PID1: variants seen among roughly 807,000 people sequenced by gnomAD.
PID1 encodes the protein phosphotyrosine interaction domain containing 1.
PID1 carries 10 observed loss-of-function variants against 19.1 expected under a neutral mutation model. The observed-to-expected ratio is 0.52, with a 90% CI of 0.32 to 0.89. The LOEUF (loss-of-function observed/expected upper bound fraction) is 0.89. Ranked by LOEUF, PID1 falls within the 40% of genes least tolerant of loss-of-function variation. The pLI, the probability that PID1 is intolerant of heterozygous loss-of-function variation, is 0.03. For missense variants in PID1, 248 were observed against 285.3 expected, an observed-to-expected ratio of 0.87 and a Z score of 0.94; for synonymous variants, 130 against 116.0, an observed-to-expected ratio of 1.12 and a Z score of -0.78.
intron 2 of PID1, among the ~76,000 whole-genome samples, chr2:229,095,018 G>T (rs7587601): frequency 0.62 from 93,944 of 151,862 alleles, 31,792 homozygotes; most frequent in Non-Finnish European, 0.76. Context: ...TTCTACATAC[G>T]AAGACAATAA....
At chr2:229,196,208 G>A (rs986754814) in intron 1 of PID1, among the ~76,000 whole-genome samples, 1 of 151,984 alleles carries the variant, frequency 6.6e-6, no homozygotes, top group African/African-American at 2.4e-5. Flanking sequence ...TAGTGAGGGA[G>A]AAGGAAAAAG....
intron 1 of PID1, among the ~76,000 whole-genome samples, chr2:229,207,646 CTG>C: frequency 6.6e-6 from 1 of 151,610 alleles, no homozygotes; most frequent in Non-Finnish European, 1.5e-5. Flanking sequence ...ACCAAGTTGT[CTG>C]TGTAATGATC....
chr2:229,095,201 G>A (rs149547150), intron 2 of PID1, among the ~76,000 whole-genome samples: 189 of 152,204 alleles, frequency 1.2e-3, no homozygotes, highest in African/African-American at 4.0e-3. Context: ...CATTTAGAAA[G>A]ATTAAGGTAA....
At chr2:229,132,046 T>A (rs1013153840) in intron 2 of PID1, among the ~76,000 whole-genome samples, 1 of 152,194 alleles carries the variant, frequency 6.6e-6, no homozygotes, top group Admixed American at 6.5e-5. Context: ...TATTCACTTC[T>A]TTGTTTCCAG....
intron 1 of PID1, among the ~76,000 whole-genome samples, chr2:229,193,452 G>A (rs36065709): frequency 0.26 from 39,617 of 152,006 alleles, 5,565 homozygotes; most frequent in Non-Finnish European, 0.31. Flanking sequence ...CCTGTTAGTC[G>A]TGTCACTAAA....
chr2:229,187,237 C>T (rs6761896), intron 1 of PID1, among the ~76,000 whole-genome samples: 135,520 of 152,172 alleles, frequency 0.89, 60,499 homozygotes, highest in African/African-American at 0.94. Context: ...TGCCTGTTAC[C>T]CAGTTCCAAA....
In PID1 at chr2:229,029,412, C is replaced by T. The variant is rs116424602; in HGVS notation, c.178-3304G>A. 4.2e-3 allele frequency among the ~76,000 whole-genome samples: 641 copies of T among 150,980 alleles called. 2 individuals are homozygous for T. The highest frequency in any genetic ancestry group is 0.013 in the African/African-American group (553 of 41,094). ...TACCACTTCGCACCTGTTAGGATGG[C>T]GGCTATCAAAAAAGCAGAAAATAAC... is the stretch of plus-strand genomic sequence containing the variant. On this transcript the variant is annotated intron_variant, in intron 2 of 2. Coordinates refer to ENST00000392055, the MANE Select transcript of PID1 (RefSeq NM_001100818.2).
At chr2:229,138,574 C>T (rs933401505) in intron 2 of PID1, among the ~76,000 whole-genome samples, 3 of 152,056 alleles carry the variant, frequency 2.0e-5, no homozygotes, top group Admixed American at 1.3e-4. Flanking sequence ...AGGACTCCCT[C>T]CTCAGAAAAA....
chr2:229,143,080 GTAAACTATCA>G, intron 2 of PID1, among the ~76,000 whole-genome samples: 1 of 148,008 alleles, frequency 6.8e-6, no homozygotes, highest in South Asian at 2.3e-4. Context: ...ATCATTCTCA[GTAAACTATCA>G]CAAGAACAAA....
At chr2:229,256,328 C>A (rs1287598234) in intron 1 of PID1, among the ~76,000 whole-genome samples, 2 of 152,258 alleles carry the variant, frequency 1.3e-5, no homozygotes, top group African/African-American at 4.8e-5. Context: ...AATTTTCGAA[C>A]CCTGGAAATG....
At chr2:229,031,845 G>A (rs1203047975) in intron 2 of PID1, among the ~76,000 whole-genome samples, 2 of 152,180 alleles carry the variant, frequency 1.3e-5, no homozygotes, top group African/African-American at 4.8e-5. Flanking sequence ...ATTACTTACT[G>A]CCTGTCCACA....
At chr2:229,050,531 T>C (rs961727231) in intron 2 of PID1, among the ~76,000 whole-genome samples, 1 of 152,236 alleles carries the variant, frequency 6.6e-6, no homozygotes, top group African/African-American at 2.4e-5. Context: ...AATGTTTACA[T>C]GATTAGTATA....
Position 229,095,917 on chromosome 2 carries a change from C to T in PID1, c.177+59901G>A, listed in dbSNP as rs142929115. On this transcript the variant is annotated intron_variant, in intron 2 of 2. Coordinates refer to ENST00000392055, the MANE Select transcript of PID1 (RefSeq NM_001100818.2). Reference sequence around the variant, plus strand: ...TCTACTCAATTTGATTTTCAAGTTTCGAGAATGAGAAGAATCAGATATCTT... The same window carrying T: ...TCTACTCAATTTGATTTTCAAGTTTTGAGAATGAGAAGAATCAGATATCTT... 5.4e-3 allele frequency among the ~76,000 whole-genome samples: 814 copies of T among 152,070 alleles called. 8 individuals carry two copies. Among genetic ancestry groups the T allele is most frequent in the African/African-American group, 0.018 (748 of 41,490 alleles).
intron 2 of PID1, among the ~76,000 whole-genome samples, chr2:229,144,991 A>T (rs950123328): frequency 5.9e-5 from 9 of 151,632 alleles, no homozygotes; most frequent in Non-Finnish European, 1.2e-4. Context: ...CCTAAAGTAT[A>T]TTTTTTTCAT....
intron 2 of PID1, among the ~76,000 whole-genome samples, chr2:229,109,318 G>C (rs1416234265): frequency 1.3e-5 from 2 of 152,108 alleles, no homozygotes; most frequent in East Asian, 1.9e-4. Flanking sequence ...TTCTAATATA[G>C]TGTATTTCTG....
In PID1 at chr2:229,235,506, C is replaced by A. The variant is rs547371158; in HGVS notation, c.30+35508G>T. On this transcript the variant is annotated intron_variant, in intron 1 of 2. Coordinates refer to ENST00000392055, the MANE Select transcript of PID1 (RefSeq NM_001100818.2). ...CAATATGTTTATGTGTTTTTTTTTT[C>A]TATTAGAAATCTGTTTAAGATTTAT... Among the ~76,000 whole-genome samples, 14 of 149,366 alleles carry A rather than the reference C, an allele frequency of 9.4e-5. No individual in the cohort carries two copies. In the East Asian group the frequency reaches 2.7e-3, roughly 29 times the overall value.
intron 2 of PID1, among the ~76,000 whole-genome samples, chr2:229,142,268 CT>C (rs762622766): frequency 6.6e-6 from 1 of 151,986 alleles, no homozygotes; most frequent in Non-Finnish European, 1.5e-5. Flanking sequence ...CTGTCTTCAT[CT>C]TAAATAAAGA....
intron 1 of PID1, among the ~76,000 whole-genome samples, chr2:229,166,438 C>T (rs1388660165): frequency 6.6e-6 from 1 of 152,132 alleles, no homozygotes; most frequent in Non-Finnish European, 1.5e-5. Context: ...GTCGAGTATA[C>T]CTCATTAAAA....
intron 1 of PID1, among the ~76,000 whole-genome samples, chr2:229,170,177 T>C (rs1027490096): frequency 6.6e-6 from 1 of 152,312 alleles, no homozygotes; most frequent in African/African-American, 2.4e-5. Flanking sequence ...AGGCCAATAA[T>C]ACCTTTCATG....
Sources: allele counts gnomAD v4.1 joint callset (sites outside exome capture counted in the v4.1 genomes callset), GRCh38; gene constraint gnomAD v4.1.1; transcripts MANE v1.5; gene names NCBI Gene and HGNC (gene_info 2026-07-23, HGNC 2026-07-21).